NCAM1: variants seen among roughly 807,000 people sequenced by gnomAD.
NCAM1 encodes the protein antigen recognized by monoclonal antibody 5.1H11.
A neutral mutation model predicts 109.8 loss-of-function variants in NCAM1; 14 were observed. The observed-to-expected ratio is 0.13, with a 90% confidence interval of 0.08 to 0.20. NCAM1 has a LOEUF of 0.20. Ranked by LOEUF, NCAM1 falls within the 10% of genes least tolerant of loss-of-function variation. The pLI, the probability that NCAM1 is intolerant of heterozygous loss-of-function variation, is 1.00. For synonymous variants in NCAM1, 418 were observed against 442.9 expected (o/e 0.94, Z 0.70); for missense variants, 774 against 1,109.9 (o/e 0.70, Z 4.30).
At chr11:113,147,959 G>C (rs1464005498) in intron 1 of NCAM1, among the ~76,000 whole-genome samples, 3 of 152,174 alleles carry the variant, frequency 2.0e-5, no homozygotes, top group Non-Finnish European at 4.4e-5. Flanking sequence ...GTGCCAGTTA[G>C]AGTTTTATAA....
intron 1 of NCAM1, among the ~76,000 whole-genome samples, chr11:113,151,796 G>C (rs1942232238): frequency 6.6e-6 from 1 of 152,234 alleles, no homozygotes; most frequent in African/African-American, 2.4e-5. Context: ...ATCGGTTATA[G>C]TGGTCTGTTC....
intron 1 of NCAM1, among the ~76,000 whole-genome samples, chr11:113,195,257 A>G (rs1943816880): frequency 6.6e-6 from 1 of 152,206 alleles, no homozygotes; most frequent in Non-Finnish European, 1.5e-5. Context: ...CTCACATGTC[A>G]AGTATAGACA....
intron 16 of NCAM1, 35 bp from the exon 17 acceptor site, chr11:113,260,111 T>G (rs1945946888): frequency 1.9e-6 from 3 of 1,559,360 alleles, no homozygotes; most frequent in African/African-American, 1.4e-5. Flanking sequence ...GCTTTTTTGG[T>G]CTCTTGTATC....
chr11:113,136,064 TCCC>T (rs1401826876), intron 1 of NCAM1, among the ~76,000 whole-genome samples: 2 of 152,174 alleles, frequency 1.3e-5, no homozygotes, highest in Non-Finnish European at 1.5e-5. Flanking sequence ...GTGCCTGCAG[TCCC>T]AGCTACTTGG....
intron 1 of NCAM1, among the ~76,000 whole-genome samples, chr11:113,200,518 T>A (rs1354201318): frequency 6.6e-6 from 1 of 152,128 alleles, no homozygotes; most frequent in African/African-American, 2.4e-5. Context: ...AGGGGCAGCA[T>A]TGCATCATGG....
At position 113,206,328 on chromosome 11, in the gene NCAM1, A is replaced by G. The variant is rs1292768961; in HGVS notation, c.628+148A>G. ...AGCTAAATCCCCTCCCCACCGTAACATCTAGATTTCTTTTTTTTTTTTTTT... is the reference window on the plus strand; with the variant it reads ...AGCTAAATCCCCTCCCCACCGTAACGTCTAGATTTCTTTTTTTTTTTTTTT... On this transcript the variant is annotated intron_variant, in intron 5 of 19. Coordinates refer to ENST00000316851, the MANE Select transcript of NCAM1 (RefSeq NM_181351.5). 3 of 713,964 alleles carry G rather than the reference A, an allele frequency of 4.2e-6. No homozygotes were observed. The Admixed American group carries it at 1.1e-4, about 25-fold the overall frequency. The allele number at this position is 713,964 out of a possible 1,614,324, so 44.2% of individuals were successfully genotyped here. A position where few individuals can be genotyped will look rare whatever the true frequency, so the allele number is the denominator to read the frequency against.
At chr11:113,163,903 G>A (rs572056485) in intron 1 of NCAM1, among the ~76,000 whole-genome samples, 2 of 152,194 alleles carry the variant, frequency 1.3e-5, no homozygotes, top group East Asian at 1.9e-4. Context: ...AGCAAGTATT[G>A]GGAGGAATTT....
rs141367611 is a variant in NCAM1, at chr11:113,256,054, G to A, written c.1953+53G>A. The A allele has an allele frequency of 1.0e-5, 16 of 1,556,734 alleles. No individual in the cohort carries two copies. The African/African-American group carries it at 1.8e-4, about 17-fold the overall frequency. ...CAGAACCCTGCAACCCTGGCACCCA[G>A]CTTGCTAGGGAAACAACAGGGGCAG... is the stretch of plus-strand genomic sequence containing the variant. On this transcript the variant is annotated intron_variant, in intron 16 of 19. Coordinates refer to ENST00000316851, the MANE Select transcript of NCAM1 (RefSeq NM_181351.5).
chr11:113,144,846 T>C (rs1941957296), intron 1 of NCAM1, among the ~76,000 whole-genome samples: 1 of 151,988 alleles, frequency 6.6e-6, no homozygotes, highest in African/African-American at 2.4e-5. Context: ...GCATAATAGG[T>C]GTTGAGAAAT....
chr11:112,969,950 C>A (rs1950831716), intron 1 of NCAM1, among the ~76,000 whole-genome samples: 1 of 152,026 alleles, frequency 6.6e-6, no homozygotes, highest in Non-Finnish European at 1.5e-5. Context: ...AGGCAAAAAT[C>A]ATGTCTATTA....
chr11:113,007,006 T>C (rs1951908697), intron 1 of NCAM1, among the ~76,000 whole-genome samples: 1 of 152,216 alleles, frequency 6.6e-6, no homozygotes, highest in Non-Finnish European at 1.5e-5. Flanking sequence ...CTAATCTTGG[T>C]GAGCATGACA....
At chr11:112,999,296 T>A (rs1236711393) in intron 1 of NCAM1, among the ~76,000 whole-genome samples, 1 of 152,216 alleles carries the variant, frequency 6.6e-6, no homozygotes, top group Non-Finnish European at 1.5e-5. Context: ...TCTCTTCATT[T>A]TGTAGCTGTG....
intron 1 of NCAM1, among the ~76,000 whole-genome samples, chr11:113,116,695 A>C (rs1431208667): frequency 6.7e-6 from 1 of 150,340 alleles, no homozygotes; most frequent in African/African-American, 2.5e-5. Context: ...CCTCCAGACA[A>C]GGCTGGCAAA....
intron 1 of NCAM1, among the ~76,000 whole-genome samples, chr11:113,084,701 AC>A (rs1283986959): frequency 6.6e-6 from 1 of 152,162 alleles, no homozygotes; most frequent in Non-Finnish European, 1.5e-5. Context: ...CTGCATGGTT[AC>A]TTTGGTGATT....
intron 1 of NCAM1, among the ~76,000 whole-genome samples, chr11:113,142,333 G>A (rs1555100618): frequency 1.3e-5 from 2 of 152,144 alleles, no homozygotes; most frequent in African/African-American, 4.8e-5. Flanking sequence ...ACTAGGGCAT[G>A]TCCACCACAT....
At chr11:113,115,533 T>C (rs148622357) in intron 1 of NCAM1, among the ~76,000 whole-genome samples, 1 of 152,288 alleles carries the variant, frequency 6.6e-6, no homozygotes, top group East Asian at 1.9e-4. Context: ...CAGCAGTGTC[T>C]TTTAGATTCT....
chr11:113,032,693 C>A (rs1212346967), intron 1 of NCAM1, among the ~76,000 whole-genome samples: 1 of 152,176 alleles, frequency 6.6e-6, no homozygotes, highest in Non-Finnish European at 1.5e-5. Flanking sequence ...CGCCATTTTT[C>A]TGTGTCCCTT....
intron 1 of NCAM1, among the ~76,000 whole-genome samples, chr11:113,136,200 T>G (rs1396765013): frequency 6.6e-6 from 1 of 152,142 alleles, no homozygotes; most frequent in Non-Finnish European, 1.5e-5. Flanking sequence ...ATGGGACTGC[T>G]GAGAAAGGAG....
intron 1 of NCAM1, among the ~76,000 whole-genome samples, chr11:113,126,335 CAG>C (rs146658763): frequency 0.037 from 5,689 of 152,122 alleles, 455 homozygotes; most frequent in Admixed American, 0.14. Flanking sequence ...CTGTGCCACT[CAG>C]AGAGGATTGG....
Sources: allele counts gnomAD v4.1 joint callset (sites outside exome capture counted in the v4.1 genomes callset), GRCh38; gene constraint gnomAD v4.1.1; transcripts MANE v1.5; gene names NCBI Gene and HGNC (gene_info 2026-07-23, HGNC 2026-07-21).